Variants in EIF4G3 observed in about 807,000 individuals in gnomAD.
The protein encoded by EIF4G3 is eukaryotic translation initiation factor 4 gamma 3.
A neutral mutation model predicts 186.4 loss-of-function variants in EIF4G3; 34 were observed. The ratio of observed to expected loss-of-function variants is 0.18; its 90% confidence interval spans 0.14 to 0.24. EIF4G3 has a LOEUF of 0.24. Among genes scored for constraint, EIF4G3 ranks in the 10% least tolerant of loss-of-function variants. The pLI is 1.00. For missense variants in EIF4G3, 1,536 were observed against 1,948.5 expected (o/e 0.79, Z 3.99); for synonymous variants, 673 against 679.5 (o/e 0.99, Z 0.15).
chr1:20,982,583 A>G, intron 7 of EIF4G3, 175 bp from the exon 8 acceptor site: 1 of 537,232 alleles, frequency 1.9e-6, no homozygotes. Flanking sequence ...TCTTCACTTG[A>G]GAATTTAACC....
chr1:20,896,614 A>G (rs529762327), intron 16 of EIF4G3, among the ~76,000 whole-genome samples: 4 of 152,266 alleles, frequency 2.6e-5, no homozygotes, highest in Admixed American at 2.6e-4. Context: ...GAGAAAGTAC[A>G]CATTTTAAAA....
intron 24 of EIF4G3, 121 bp from the exon 25 acceptor site, chr1:20,857,618 G>T: frequency 1.2e-6 from 1 of 857,560 alleles, no homozygotes; most frequent in Non-Finnish European, 2.0e-6. Flanking sequence ...AAGCATTGAT[G>T]ACAATATCTT....
chr1:20,892,763 C>A (rs924244170), intron 18 of EIF4G3: 1 of 1,386,866 alleles, frequency 7.2e-7, no homozygotes, highest in African/African-American at 1.4e-5. Context: ...TGATCATTAG[C>A]TGAATGTCAT....
At position 21,175,874 on chromosome 1, in the gene EIF4G3, G is replaced by A. The variant is rs530239559; in HGVS notation, c.-272+301C>T. Reference sequence around the variant, plus strand: ...ACCAAGCAAATTCTGCCCAATAAAGGGGGGGAGGGTACCTTAGGGGAGGAG... The same window carrying A: ...ACCAAGCAAATTCTGCCCAATAAAGAGGGGGAGGGTACCTTAGGGGAGGAG... On this transcript the variant is annotated intron_variant, in intron 2 of 36. Coordinates refer to ENST00000602326, the MANE Select transcript of EIF4G3 (RefSeq NM_001391906.1). 3.6e-5 allele frequency: 6 copies of A among 167,010 alleles called. No individual in the cohort carries two copies. The South Asian group carries it at 8.0e-4, about 22-fold the overall frequency. The allele number at this position is 167,010 out of a possible 1,614,324, so 10.3% of individuals were successfully genotyped here. A position where few individuals can be genotyped will look rare whatever the true frequency, so the allele number is the denominator to read the frequency against.
At chr1:20,910,216 T>C (rs1303848365) in intron 14 of EIF4G3, among the ~76,000 whole-genome samples, 2 of 152,140 alleles carry the variant, frequency 1.3e-5, no homozygotes, top group African/African-American at 4.8e-5. Context: ...GAATAGGCAG[T>C]GAAGAACTAT....
intron 14 of EIF4G3, among the ~76,000 whole-genome samples, chr1:20,917,931 A>G (rs1349603867): frequency 1.4e-5 from 1 of 73,732 alleles, no homozygotes; most frequent in African/African-American, 3.7e-5. Flanking sequence ...TTAAAATTAT[A>G]TATAGTTATT....
chr1:20,971,660 G>T (rs1415631579), intron 11 of EIF4G3, among the ~76,000 whole-genome samples: 2 of 152,148 alleles, frequency 1.3e-5, no homozygotes, highest in African/African-American at 4.8e-5. Flanking sequence ...GTTTACTTGA[G>T]ATACAGTTCA....
intron 12 of EIF4G3, among the ~76,000 whole-genome samples, chr1:20,964,690 C>T (rs1462999598): frequency 6.6e-6 from 1 of 152,170 alleles, no homozygotes; most frequent in Non-Finnish European, 1.5e-5. Flanking sequence ...GAAACCCTTT[C>T]ACATTTGGCC....
At chr1:21,018,399 GTC>G (rs926194234) in intron 4 of EIF4G3, among the ~76,000 whole-genome samples, 1 of 151,970 alleles carries the variant, frequency 6.6e-6, no homozygotes, top group African/African-American at 2.4e-5. Flanking sequence ...GGCCAACACA[GTC>G]TCTACTAAAA....
At chr1:20,970,996 C>A (rs1352844326) in intron 11 of EIF4G3, among the ~76,000 whole-genome samples, 1 of 152,146 alleles carries the variant, frequency 6.6e-6, no homozygotes, top group African/African-American at 2.4e-5. Flanking sequence ...TCTACATGAA[C>A]TGACACAGAA....
At chr1:21,175,558 C>T (rs928612340) in intron 2 of EIF4G3, 1 of 152,144 alleles carries the variant, frequency 6.6e-6, no homozygotes, top group African/African-American at 2.4e-5. Context: ...ACATTTCCTC[C>T]TCAGATCTCT....
At chr1:21,162,376 G>A (rs1363523211) in intron 2 of EIF4G3, among the ~76,000 whole-genome samples, 1 of 151,340 alleles carries the variant, frequency 6.6e-6, no homozygotes, top group Non-Finnish European at 1.5e-5. Flanking sequence ...TTGAACCCAG[G>A]AGGTGGACGT....
intron 15 of EIF4G3, among the ~76,000 whole-genome samples, chr1:20,903,958 T>A (rs972404315): frequency 6.6e-6 from 1 of 152,220 alleles, no homozygotes; most frequent in African/African-American, 2.4e-5. Context: ...CAGATTTACA[T>A]TGCTCTTCAT....
At chr1:21,126,489 C>T (rs2102429692) in intron 2 of EIF4G3, among the ~76,000 whole-genome samples, 1 of 152,084 alleles carries the variant, frequency 6.6e-6, no homozygotes, top group African/African-American at 2.4e-5. Context: ...AGCAAGCCGC[C>T]ATCTCTACAA....
chr1:21,003,598 G>C (rs1051665225), intron 4 of EIF4G3: 1 of 301,636 alleles, frequency 3.3e-6, no homozygotes, highest in Non-Finnish European at 6.5e-6. Context: ...GCCTCTTCAA[G>C]GTCCATGATG....
Position 20,941,466 on chromosome 1 carries a change from C to T in EIF4G3, c.1663+25G>A, listed in dbSNP as rs371892100. The T allele has an allele frequency of 5.4e-5, 86 of 1,605,218 alleles. No homozygotes were observed. In the African/African-American group the frequency reaches 9.5e-4, roughly 18 times the overall value. ...GCCTCTTCTTCATGTTCAGCAAGCA[C>T]GAGATTAATGGCAGAATGGCTTACC... is the stretch of plus-strand genomic sequence containing the variant. On this transcript the variant is annotated intron_variant, in intron 14 of 36. Coordinates refer to ENST00000602326, the MANE Select transcript of EIF4G3 (RefSeq NM_001391906.1).
intron 14 of EIF4G3, among the ~76,000 whole-genome samples, chr1:20,906,951 GAGT>G (rs1389179364): frequency 1.3e-5 from 2 of 152,100 alleles, no homozygotes; most frequent in African/African-American, 4.8e-5. Context: ...GGAGAAAAGG[GAGT>G]AGAAGGGAAG....
At position 21,145,572 on chromosome 1, in the gene EIF4G3, G is replaced by A. The variant is rs79559646; in HGVS notation, c.-272+30603C>T. Among the ~76,000 whole-genome samples, 667 of 152,004 alleles carry A rather than the reference G, an allele frequency of 4.4e-3. 8 individuals carry two copies. The highest frequency in any genetic ancestry group is 0.015 in the African/African-American group (636 of 41,454). On this transcript the variant is annotated intron_variant, in intron 2 of 36. Transcript: ENST00000602326. ...GAGTCACCCCACCTAGCTATGCTAC[G>A]TGTTTTATCAAATGGAATTCATTTG... is the stretch of plus-strand genomic sequence containing the variant.
At chr1:21,067,014 C>T (rs931862893) in intron 3 of EIF4G3, among the ~76,000 whole-genome samples, 3 of 151,968 alleles carry the variant, frequency 2.0e-5, no homozygotes, top group Non-Finnish European at 4.4e-5. Flanking sequence ...CCCAGAAATT[C>T]AAAAGACATT....
Sources: gnomAD v4.1 joint callset for allele counts (sites outside exome capture counted in the v4.1 genomes callset) on GRCh38, gnomAD v4.1.1 for gene constraint, MANE v1.5 for transcripts, NCBI Gene and HGNC (gene_info 2026-07-23, HGNC 2026-07-21) for gene names.